MID1: variants seen among roughly 807,000 people sequenced by gnomAD.
MID1 encodes midline 1, also known as E3 ubiquitin-protein ligase Midline-1.
MID1 carries 7 observed loss-of-function variants against 40.4 expected under a neutral mutation model. That is an observed-to-expected ratio of 0.17 (90% CI 0.10 to 0.33). The LOEUF (loss-of-function observed/expected upper bound fraction) is 0.33, where lower values mean the gene tolerates loss of function less well. MID1 is among the 10% of genes least tolerant of loss of function. The pLI is 1.00. For missense variants in MID1, 367 were observed against 558.5 expected, an observed-to-expected ratio of 0.66 and a Z score of 3.46; for synonymous variants, 229 against 221.2, an observed-to-expected ratio of 1.04 and a Z score of -0.31.
chrX:10,725,566 C>T (rs2043384378), intron 1 of MID1, among the ~76,000 whole-genome samples: 1 of 111,642 alleles, frequency 9.0e-6, no homozygotes, highest in Non-Finnish European at 1.9e-5. Flanking sequence ...GGTCAATATG[C>T]TTAGAAAAAA....
intron 1 of MID1, among the ~76,000 whole-genome samples, chrX:10,775,541 T>C (rs1274208897): frequency 8.9e-6 from 1 of 112,526 alleles, no homozygotes; most frequent in African/African-American, 3.2e-5. Flanking sequence ...AATGCATTAT[T>C]TGTTTTCAGA....
chrX:10,817,310 T>A (rs12014127), intron 1 of MID1, among the ~76,000 whole-genome samples: 3,767 of 111,716 alleles, frequency 0.034, 172 homozygotes, highest in African/African-American at 0.12. Flanking sequence ...ACAGAGGGAT[T>A]CAAGTTTTAT....
At chrX:10,714,065 G>C (rs763399455) in intron 1 of MID1, among the ~76,000 whole-genome samples, 1 of 112,023 alleles carries the variant, frequency 8.9e-6, no homozygotes, top group Admixed American at 9.5e-5. Context: ...CACCATTAAA[G>C]CACCTCTGCT....
At chrX:10,803,123 T>C (rs1297304643) in intron 1 of MID1, among the ~76,000 whole-genome samples, 10 of 110,599 alleles carry the variant, frequency 9.0e-5, no homozygotes, top group African/African-American at 3.3e-4. Context: ...CAAATCTCAG[T>C]GTCACACAAT....
intron 1 of MID1, among the ~76,000 whole-genome samples, chrX:10,669,339 C>G (rs2042974392): frequency 9.1e-6 from 1 of 110,025 alleles, no homozygotes. Context: ...AGTCAGTTCT[C>G]ACCTTCAAGC....
chrX:10,653,508 A>G (rs1224236201), intron 1 of MID1, among the ~76,000 whole-genome samples: 2 of 112,507 alleles, frequency 1.8e-5, no homozygotes, highest in African/African-American at 6.5e-5. Flanking sequence ...TCCACAGCAC[A>G]TTTCTCAGAA....
intron 1 of MID1, among the ~76,000 whole-genome samples, chrX:10,730,564 CTTTTTTTTTTTTT>C (rs1188069622): frequency 7.3e-4 from 57 of 78,109 alleles, no homozygotes; most frequent in South Asian, 3.0e-3. Flanking sequence ...TCAGATACAT[CTTTTTTTTTTTTT>C]TTTTTTTTTT....
At chrX:10,769,325 G>C (rs957570844) in intron 1 of MID1, among the ~76,000 whole-genome samples, 13 of 110,804 alleles carry the variant, frequency 1.2e-4, no homozygotes, top group Non-Finnish European at 1.9e-5. Context: ...AGCCCAGTAG[G>C]CTCTCTATGT....
chrX:10,566,324 G>T (rs1440299522), intron 2 of MID1, among the ~76,000 whole-genome samples: 1 of 111,314 alleles, frequency 9.0e-6, no homozygotes, highest in Non-Finnish European at 1.9e-5. Context: ...TTTATACAAG[G>T]AATAAAAGGT....
At chrX:10,603,154 T>C (rs1935563798) in intron 1 of MID1, among the ~76,000 whole-genome samples, 1 of 112,537 alleles carries the variant, frequency 8.9e-6, no homozygotes, top group Non-Finnish European at 1.9e-5. Flanking sequence ...TCTGCCCACA[T>C]TTTTGTCTTT....
At chrX:10,644,032 C>A (rs1461412333) in intron 1 of MID1, among the ~76,000 whole-genome samples, 1 of 110,984 alleles carries the variant, frequency 9.0e-6, no homozygotes, top group East Asian at 2.8e-4. Flanking sequence ...GGAGGGATAG[C>A]ATTAGGAGAT....
At chrX:10,459,139 C>T (rs1314084816) in intron 8 of MID1, among the ~76,000 whole-genome samples, 1 of 110,764 alleles carries the variant, frequency 9.0e-6, no homozygotes, top group Non-Finnish European at 1.9e-5. Flanking sequence ...GATGTGACAA[C>T]TAAAAACCTC....
intron 1 of MID1, among the ~76,000 whole-genome samples, chrX:10,595,552 TA>T: frequency 9.0e-6 from 1 of 111,327 alleles, no homozygotes; most frequent in Non-Finnish European, 1.9e-5. Context: ...AAATAAAATT[TA>T]AAAACATTAA....
intron 1 of MID1, among the ~76,000 whole-genome samples, chrX:10,611,358 T>C (rs949519052): frequency 2.7e-4 from 30 of 112,180 alleles, no homozygotes; most frequent in African/African-American, 9.1e-4. Context: ...ACTGCGGAAA[T>C]AATTCATTTT....
chrX:10,482,734 G>T, intron 4 of MID1, 106 bp from the exon 5 acceptor site: 1 of 859,523 alleles, frequency 1.2e-6, no homozygotes, highest in Non-Finnish European at 1.7e-6. Context: ...TTCCATAAAA[G>T]TTCAAAAAGT....
At chrX:10,509,497 C>T (rs1602323291) in intron 3 of MID1, among the ~76,000 whole-genome samples, 1 of 110,883 alleles carries the variant, frequency 9.0e-6, no homozygotes, top group Non-Finnish European at 1.9e-5. Context: ...AAGGAAAGAC[C>T]CACCTCGATC....
At chrX:10,783,558 G>A (rs918841450) in intron 1 of MID1, among the ~76,000 whole-genome samples, 1 of 111,538 alleles carries the variant, frequency 9.0e-6, no homozygotes, top group Non-Finnish European at 1.9e-5. Context: ...TTGCAAATGC[G>A]AGACACCCAA....
At chrX:10,632,504 G>T (rs1454514581) in intron 1 of MID1, among the ~76,000 whole-genome samples, 2 of 111,415 alleles carry the variant, frequency 1.8e-5, no homozygotes, top group Admixed American at 1.9e-4. Context: ...ATTTTGATGA[G>T]TAGCCAAGGT....
chrX:10,527,617 C>G (rs1932857595), intron 2 of MID1, among the ~76,000 whole-genome samples: 1 of 111,316 alleles, frequency 9.0e-6, no homozygotes, highest in Non-Finnish European at 1.9e-5. Flanking sequence ...TGCCTTTTCA[C>G]CCCAGGGCCT....
Sources: gnomAD v4.1 joint callset for allele counts (sites outside exome capture counted in the v4.1 genomes callset) on GRCh38, gnomAD v4.1.1 for gene constraint, MANE v1.5 for transcripts, NCBI Gene and HGNC (gene_info 2026-07-23, HGNC 2026-07-21) for gene names.